UMODL1: variants seen among roughly 807,000 people sequenced by gnomAD.
The protein encoded by UMODL1 is uromodulin like 1.
Under a neutral mutation model 136.3 loss-of-function variants are expected in UMODL1, and 128 were observed. The observed-to-expected ratio is 0.94, with a 90% CI of 0.81 to 1.09. The LOEUF (loss-of-function observed/expected upper bound fraction) is 1.09. Among genes scored for constraint, UMODL1 ranks in the 50% least tolerant of loss-of-function variants. UMODL1 has a pLI of 0.00. For synonymous variants in UMODL1, 721 were observed against 720.0 expected (o/e 1.00, Z -0.02); for missense variants, 1,766 against 1,725.6 (o/e 1.02, Z -0.41).
chr21:42,125,908 G>A (rs934038543), intron 17 of UMODL1, among the ~76,000 whole-genome samples: 6 of 152,220 alleles, frequency 3.9e-5, no homozygotes, highest in Admixed American at 1.3e-4. Flanking sequence ...GCCTGCAGCC[G>A]GCAGCTCCCT....
At chr21:42,102,025 A>G in intron 7 of UMODL1, 141 bp from the exon 8 acceptor site, 2 of 604,096 alleles carry the variant, frequency 3.3e-6, no homozygotes, top group East Asian at 2.8e-5. Flanking sequence ...ATTTCCCCCA[A>G]TTAGGATACC....
At chr21:42,068,982 G>C (rs2066205929), upstream of UMODL1, among the ~76,000 whole-genome samples, 1 of 152,184 alleles carries the variant, frequency 6.6e-6, no homozygotes, top group Non-Finnish European at 1.5e-5. The surrounding 1 kb of genome is among the most constrained non-coding windows in gnomAD (Gnocchi z 5.5). Context: ...TGGCCTTTCT[G>C]CACAGAGGCC....
At position 42,099,057 on chromosome 21, in the gene UMODL1, A is replaced by G; in HGVS notation, c.1063A>G (p.Ser355Gly). The G allele has an allele frequency of 1.9e-6, 3 of 1,614,150 alleles. No individual in the cohort carries two copies. Among genetic ancestry groups the G allele is most frequent in the Non-Finnish European group, 2.5e-6 (3 of 1,180,042 alleles). ...TTACCGGGGTATGGAGTTGCTCAGG[A>G]GCGCCAGGACACAGAGCCAGGCACT... ...RVYRGMELLRSARTQSQALAV... is the reference protein window; with the variant it reads ...RVYRGMELLRGARTQSQALAV... The change falls in exon 7 of 23, where the codon AGC (serine) becomes GGC (glycine). Residue 355 changes from serine to glycine, a missense_variant. By Grantham distance (56) the Ser-to-Gly change is moderately conservative. Coordinates refer to ENST00000408910, the MANE Select transcript of UMODL1 (RefSeq NM_001004416.3). This position sits in a 1 kb window ranked among gnomAD's most constrained non-coding sequence, Gnocchi z 4.1.
chr21:42,074,714 G>A lies in UMODL1; in HGVS notation c.77-1291G>A, dbSNP rs972467969. On this transcript the variant is annotated intron_variant, in intron 1 of 22. Transcript: ENST00000408910. ...GCCTCCTCCTGATCACAGTGGTAACGGCTGAAAAGTTGAACTGGTCTTTTT... is the reference window on the plus strand; with the variant it reads ...GCCTCCTCCTGATCACAGTGGTAACAGCTGAAAAGTTGAACTGGTCTTTTT... Among the ~76,000 whole-genome samples the A allele has an allele frequency of 3.3e-5, 5 of 151,948 alleles. No individual in the cohort carries two copies. In the East Asian group the frequency reaches 7.7e-4, roughly 24 times the overall value.
rs1408166637 is a variant in UMODL1 at position 42,109,571 on chromosome 21, A to T, written c.1529A>T (p.Glu510Val). The change falls in exon 10 of 23, where the codon GAG becomes GTG. Residue 510 changes from glutamate to valine, a missense_variant. By Grantham distance (121) the Glu-to-Val change is moderately radical. Coordinates refer to ENST00000408910, the MANE Select transcript of UMODL1 (RefSeq NM_001004416.3). ...RQGTRVQDWD[E>V]CVDSAEHDCS... is the part of the protein sequence containing the mutation. ...TGTCTCCCCCTGGCAGACTGGGACGAGTGTGTGGACAGCGCGGAACACGAC... is the reference window on the plus strand; with the variant it reads ...TGTCTCCCCCTGGCAGACTGGGACGTGTGTGTGGACAGCGCGGAACACGAC... 2 of 1,611,422 alleles carry T rather than the reference A, an allele frequency of 1.2e-6. No homozygotes were observed. Among genetic ancestry groups the T allele is most frequent in the South Asian group, 1.1e-5 (1 of 91,074 alleles).
rs1301173276 is a variant in UMODL1 at position 42,127,541 on chromosome 21, C to G, written c.3531-131C>G. On this transcript the variant is annotated intron_variant, in intron 19 of 22. Transcript: ENST00000408910. Reference sequence around the variant, plus strand: ...GGGTTTTGGGGAACAAATGAGGTGCCCGGTCCTCGACTTCCACGGAGCCTG... The same window carrying G: ...GGGTTTTGGGGAACAAATGAGGTGCGCGGTCCTCGACTTCCACGGAGCCTG... 16 of 1,136,320 alleles carry G rather than the reference C, an allele frequency of 1.4e-5. No homozygotes were observed. In the Admixed American group the frequency reaches 4.2e-4, roughly 30 times the overall value. The allele number at this position is 1,136,320 out of a possible 1,614,324, so 70.4% of individuals were successfully genotyped here. A position where few individuals can be genotyped will look rare whatever the true frequency, so the allele number is the denominator to read the frequency against.
At chr21:42,126,286 G>T in intron 17 of UMODL1, 59 bp from the exon 18 acceptor site, 2 of 1,605,782 alleles carry the variant, frequency 1.2e-6, no homozygotes, top group South Asian at 1.1e-5. Flanking sequence ...GTGGCCCACA[G>T]CAGGGCGTGG....
At chr21:42,097,755 T>A (rs2066575604) in intron 6 of UMODL1, among the ~76,000 whole-genome samples, 1 of 152,222 alleles carries the variant, frequency 6.6e-6, no homozygotes, top group Admixed American at 6.5e-5. Flanking sequence ...GTGCGTAGAC[T>A]GGGGGCCGTC....
intron 2 of UMODL1, among the ~76,000 whole-genome samples, chr21:42,081,865 G>A (rs926856693): frequency 1.3e-5 from 2 of 152,130 alleles, no homozygotes; most frequent in African/African-American, 4.8e-5. Flanking sequence ...CATTTAGTCC[G>A]CATGTCTGCT....
At chr21:42,134,771 A>C (rs1171703904) in intron 21 of UMODL1, among the ~76,000 whole-genome samples, 1 of 138,242 alleles carries the variant, frequency 7.2e-6, no homozygotes. Context: ...CGCACTACCA[A>C]GTCTGGCTAT....
chr21:42,116,932 C>T (rs569866526), intron 14 of UMODL1, among the ~76,000 whole-genome samples: 69 of 152,182 alleles, frequency 4.5e-4, no homozygotes, highest in African/African-American at 1.6e-3. Flanking sequence ...AAAAATTAGC[C>T]GGATGTGGTG....
upstream of UMODL1, among the ~76,000 whole-genome samples, chr21:42,069,965 A>G (rs2146409110): frequency 6.6e-6 from 1 of 152,302 alleles, no homozygotes; most frequent in African/African-American, 2.4e-5. Context: ...TTTTCTATAA[A>G]AGCTGCTGTG....
chr21:42,108,058 C>A (rs140668028), intron 9 of UMODL1, among the ~76,000 whole-genome samples: 50 of 152,362 alleles, frequency 3.3e-4, no homozygotes, highest in African/African-American at 1.2e-3. Flanking sequence ...GGCCGGCAAG[C>A]CTCAAGGCTT....
intron 21 of UMODL1, among the ~76,000 whole-genome samples, chr21:42,130,765 C>T (rs1032706508): frequency 2.6e-5 from 4 of 151,864 alleles, no homozygotes; most frequent in African/African-American, 7.3e-5. Context: ...CTTCCCAGGA[C>T]ACCATGGGCA....
rs1442360920 is a variant in UMODL1, at chr21:42,122,428, C to T, written c.2828-403C>T. 6.6e-6 allele frequency among the ~76,000 whole-genome samples: 1 copy of T among 152,166 alleles called. No homozygotes were observed. The highest frequency in any genetic ancestry group is 1.5e-5 in the Non-Finnish European group (1 of 68,010). ...AGGGCTCTCAGGGCAGAAGACTCAC[C>T]CTGTATCCACTGGCTTGGCACATCC... On this transcript the variant is annotated intron_variant, in intron 16 of 22. Transcript: ENST00000408910. This position sits in a 1 kb window ranked among gnomAD's most constrained non-coding sequence, Gnocchi z 4.3.
Position 42,085,855 on chromosome 21 carries a change from A to G in UMODL1, c.603+443A>G, listed in dbSNP as rs2066420739. Among the ~76,000 whole-genome samples the G allele has an allele frequency of 6.6e-6, 1 of 152,084 alleles. No homozygotes were observed. The highest frequency in any genetic ancestry group is 1.5e-5 in the Non-Finnish European group (1 of 68,012). On this transcript the variant is annotated intron_variant, in intron 4 of 22. Coordinates refer to ENST00000408910, the MANE Select transcript of UMODL1 (RefSeq NM_001004416.3). The surrounding 1 kb of genome is among the most constrained non-coding windows in gnomAD (Gnocchi z 4.5). The stretch of plus-strand genomic sequence containing the variant: ...TGGGAACCGTAGCCCAGGGCTGGAG[A>G]GCACCCTGGGGTCTGATGGTTAGCA...
At chr21:42,081,374 G>A (rs2839462) in intron 2 of UMODL1, among the ~76,000 whole-genome samples, 13,162 of 152,236 alleles carry the variant, frequency 0.086, 648 homozygotes, top group East Asian at 0.18. Context: ...ACCATGACTA[G>A]CAGTGTTGCC....
At chr21:42,078,745 G>C (rs144394105) in intron 2 of UMODL1, among the ~76,000 whole-genome samples, 1 of 136,120 alleles carries the variant, frequency 7.3e-6, no homozygotes, top group Admixed American at 7.0e-5. Context: ...CAGAAACCAG[G>C]CAGGGCCAGC....
chr21:42,114,511 C>T (rs564331982), intron 13 of UMODL1, among the ~76,000 whole-genome samples: 91 of 152,314 alleles, frequency 6.0e-4, no homozygotes, highest in African/African-American at 2.0e-3. Context: ...GTGGTCTGCA[C>T]GGTGGGGCGC....
Sources: allele counts gnomAD v4.1 joint callset (sites outside exome capture counted in the v4.1 genomes callset), GRCh38; gene constraint gnomAD v4.1.1; non-coding constraint Gnocchi (gnomAD v3.1); transcripts MANE v1.5; gene names NCBI Gene and HGNC (gene_info 2026-07-23, HGNC 2026-07-21).